Variants in LRR1 observed in about 807,000 individuals in gnomAD.
LRR1 encodes leucine rich repeat protein 1, also known as leucine-rich repeat protein 1.
LRR1 carries 29 observed loss-of-function variants against 31.6 expected under a neutral mutation model. The observed-to-expected ratio is 0.92, with a 90% confidence interval of 0.68 to 1.25. LRR1 has a LOEUF of 1.25. Ranked by LOEUF, LRR1 falls within the 50% of genes most tolerant of loss-of-function variation. The probability of loss-of-function intolerance (pLI) is 0.00; values close to 1 mark genes in which losing one functional copy is unlikely to be tolerated. For synonymous variants in LRR1, 179 were observed against 181.4 expected, an observed-to-expected ratio of 0.99 and a Z score of 0.10; for missense variants, 485 against 487.2, an observed-to-expected ratio of 1.00 and a Z score of 0.04.
intron 3 of LRR1, among the ~76,000 whole-genome samples, chr14:49,613,605 G>A (rs1219452719): frequency 1.3e-5 from 2 of 151,436 alleles, no homozygotes; most frequent in Non-Finnish European, 2.9e-5. Flanking sequence ...TCAGGAGTTC[G>A]AGACCAGCCT....
chr14:49,609,799 C>G (rs1021835122), intron 3 of LRR1, among the ~76,000 whole-genome samples: 1 of 152,014 alleles, frequency 6.6e-6, no homozygotes, highest in Non-Finnish European at 1.5e-5. Context: ...CTCTGCCTCC[C>G]GAGTTCCAGG....
intron 3 of LRR1, among the ~76,000 whole-genome samples, chr14:49,614,027 A>C (rs2139557087): frequency 6.6e-6 from 1 of 152,270 alleles, no homozygotes; most frequent in East Asian, 1.9e-4. Context: ...AGGACAGGTG[A>C]CTTTTTCATT....
At chr14:49,610,255 T>C (rs957744670) in intron 3 of LRR1, among the ~76,000 whole-genome samples, 1 of 150,950 alleles carries the variant, frequency 6.6e-6, no homozygotes, top group African/African-American at 2.4e-5. Context: ...GGGTTTTTTT[T>C]TTTTTTTGAG....
intron 3 of LRR1, among the ~76,000 whole-genome samples, chr14:49,611,599 G>A (rs1010283764): frequency 6.6e-6 from 1 of 151,838 alleles, no homozygotes; most frequent in Admixed American, 6.6e-5. Context: ...TGAGGCTATT[G>A]TTTCTCTAAG....
At chr14:49,600,039 G>T (rs1400225477) in intron 1 of LRR1, 1 of 1,607,938 alleles carries the variant, frequency 6.2e-7, no homozygotes, top group Non-Finnish European at 8.5e-7. Flanking sequence ...CGTGGTGGTC[G>T]GCGACGGGGC....
At chr14:49,600,014 G>T in intron 1 of LRR1, 4 of 1,608,620 alleles carry the variant, frequency 2.5e-6, no homozygotes, top group South Asian at 2.2e-5. Context: ...GGCCCGGCGC[G>T]CTGATGCTCA....
At chr14:49,611,070 C>T (rs1882492465) in intron 3 of LRR1, among the ~76,000 whole-genome samples, 1 of 152,182 alleles carries the variant, frequency 6.6e-6, no homozygotes, top group Admixed American at 6.5e-5. Context: ...ACCTGGCTCC[C>T]ACTGAAACCC....
chr14:49,601,471 T>A, intron 1 of LRR1: 1 of 560,300 alleles, frequency 1.8e-6, no homozygotes, highest in Non-Finnish European at 3.0e-6. Context: ...AAATTTTAAA[T>A]ATGCCATTTA....
At chr14:49,610,776 C>T (rs1882484538) in intron 3 of LRR1, among the ~76,000 whole-genome samples, 1 of 151,642 alleles carries the variant, frequency 6.6e-6, no homozygotes, top group Non-Finnish European at 1.5e-5. Flanking sequence ...GTTGACCAGG[C>T]TGGTCTCAAA....
At chr14:49,602,529 C>T (rs1882102364) in intron 2 of LRR1, 61 bp downstream of exon 2, 11 of 1,404,870 alleles carry the variant, frequency 7.8e-6, no homozygotes, top group South Asian at 2.3e-5. Context: ...TTTTTAGAAA[C>T]AGAGTCTTGT....
intron 3 of LRR1, chr14:49,612,496 T>C (rs1882548070): frequency 7.9e-7 from 1 of 1,265,288 alleles, no homozygotes; most frequent in Non-Finnish European, 1.0e-6. Context: ...AAGAGATTAA[T>C]GTAAACATGT....
At chr14:49,612,473 A>G in intron 3 of LRR1, 25 of 1,249,716 alleles carry the variant, frequency 2.0e-5, no homozygotes, top group Non-Finnish European at 2.6e-5. Context: ...TCAATCTAGA[A>G]CCATCTATCC....
At chr14:49,600,190 G>C (rs1292696232) in intron 1 of LRR1, 2 of 1,475,094 alleles carry the variant, frequency 1.4e-6, no homozygotes, top group African/African-American at 2.8e-5. Flanking sequence ...AACACCGCCG[G>C]ACAGGAAGAC....
chr14:49,608,925 T>TG (rs1882400607), intron 3 of LRR1, among the ~76,000 whole-genome samples: 1 of 101,772 alleles, frequency 9.8e-6, no homozygotes, highest in South Asian at 3.0e-4. Flanking sequence ...TTTTTTTTTT[T>TG]TGAGATGGAG....
chr14:49,599,790 G>A (rs1881970947), intron 1 of LRR1, among the ~76,000 whole-genome samples: 3 of 146,546 alleles, frequency 2.0e-5, no homozygotes, highest in African/African-American at 7.3e-5. Flanking sequence ...GGATCCGGGC[G>A]GCGACCGCGG....
rs71408651 is a variant in LRR1 at position 49,608,406 on chromosome 14, A to ATTTTTTTTTTTTTTTTTTTTT, written c.1004+306_1004+326dup. ...ATTCCTTCCCTCCTTACATTGCTTG[A>ATTTTTTTTTTTTTTTTTTTTT]TTTTTTTTTTTTTTTTTTTTTTTTT... On this transcript the variant is annotated intron_variant, in intron 3 of 3. Coordinates refer to ENST00000298288, the MANE Select transcript of LRR1 (RefSeq NM_152329.4). Among the ~76,000 whole-genome samples the ATTTTTTTTTTTTTTTTTTTTT allele has an allele frequency of 2.4e-4, 5 of 21,098 alleles. 1 individual carries two copies. Among genetic ancestry groups the ATTTTTTTTTTTTTTTTTTTTT allele is most frequent in the Non-Finnish European group, 3.3e-4 (4 of 12,160 alleles). 13.8% of individuals were successfully genotyped at this position (21,098 alleles called of 152,430 possible). A position where few individuals can be genotyped will look rare whatever the true frequency, so the allele number is the denominator to read the frequency against.
intron 2 of LRR1, among the ~76,000 whole-genome samples, chr14:49,604,017 C>T (rs1796979504): frequency 6.6e-6 from 1 of 150,626 alleles, no homozygotes; most frequent in East Asian, 2.1e-4. Flanking sequence ...AAAATATAAA[C>T]TGAGGCTGGG....
In LRR1 at chr14:49,606,042, T is replaced by C. The variant is rs573266068; in HGVS notation, c.283-1358T>C. 7.1e-3 allele frequency among the ~76,000 whole-genome samples: 1,072 copies of C among 151,224 alleles called. 16 individuals carry two copies. Among genetic ancestry groups the C allele is most frequent in the African/African-American group, 0.024 (1,004 of 41,042 alleles). On this transcript the variant is annotated intron_variant, in intron 2 of 3. Transcript: ENST00000298288. ...TAGCTTTTTTTTTTTTCTTTTTTTT[T>C]TTTTTATATGGAGTCGCTCTGTCGC... is the stretch of plus-strand genomic sequence containing the variant.
intron 2 of LRR1, among the ~76,000 whole-genome samples, chr14:49,606,002 T>G (rs1882263411): frequency 6.6e-6 from 1 of 152,012 alleles, no homozygotes; most frequent in Admixed American, 6.6e-5. Context: ...ATAGCTTCCA[T>G]GTTCCAACAA....
Sources: gnomAD v4.1 joint callset for allele counts (sites outside exome capture counted in the v4.1 genomes callset) on GRCh38, gnomAD v4.1.1 for gene constraint, MANE v1.5 for transcripts, NCBI Gene and HGNC (gene_info 2026-07-23, HGNC 2026-07-21) for gene names.